PIEZO2: variants seen among roughly 807,000 people sequenced by gnomAD.
The protein encoded by PIEZO2 is piezo type mechanosensitive ion channel component 2, also known as piezo-type mechanosensitive ion channel component 2.
Under a neutral mutation model 337.3 loss-of-function variants are expected in PIEZO2, and 172 were observed. That is an observed-to-expected ratio of 0.51 (90% CI 0.45 to 0.58). The LOEUF (loss-of-function observed/expected upper bound fraction) is 0.58. PIEZO2 is among the 20% of genes least tolerant of loss of function. PIEZO2 has a pLI of 0.00. For synonymous variants in PIEZO2, 1,251 were observed against 1,228.5 expected, an observed-to-expected ratio of 1.02 and a Z score of -0.38; for missense variants, 3,028 against 3,391.3, an observed-to-expected ratio of 0.89 and a Z score of 2.66.
rs2037011659 is a variant in PIEZO2, at chr18:11,038,764, A to G, written c.160+27363T>C. 6.6e-6 allele frequency among the ~76,000 whole-genome samples: 1 copy of G among 152,262 alleles called. No individual in the cohort carries two copies. Among genetic ancestry groups the G allele is most frequent in the Non-Finnish European group, 1.5e-5 (1 of 68,042 alleles). Reference sequence around the variant, plus strand: ...TTAAATGTATAATACATGCATACATACAAATAAAATTAGCTCTATACAACC... The same window carrying G: ...TTAAATGTATAATACATGCATACATGCAAATAAAATTAGCTCTATACAACC... On this transcript the variant is annotated intron_variant, in intron 2 of 55. Transcript: ENST00000674853. This position sits in a 1 kb window ranked among gnomAD's most constrained non-coding sequence, Gnocchi z 4.1.
At chr18:11,023,998 G>A (rs891993163) in intron 2 of PIEZO2, among the ~76,000 whole-genome samples, 18 of 152,150 alleles carry the variant, frequency 1.2e-4, no homozygotes, top group African/African-American at 3.9e-4. Flanking sequence ...CAAGCCCCAC[G>A]CGCAGCCCCA....
intron 1 of PIEZO2, among the ~76,000 whole-genome samples, chr18:11,124,039 T>C (rs1359084351): frequency 1.3e-5 from 2 of 152,150 alleles, no homozygotes; most frequent in African/African-American, 4.8e-5. Context: ...CAAAAACACA[T>C]ACCATTTTTA....
intron 33 of PIEZO2, chr18:10,739,485 C>T (rs1357106742): frequency 6.6e-6 from 1 of 152,084 alleles, no homozygotes; most frequent in Non-Finnish European, 1.5e-5. Flanking sequence ...ACAATGACCG[C>T]GGTGGGAATT....
chr18:10,757,557 G>A (rs1598438803), intron 27 of PIEZO2, among the ~76,000 whole-genome samples: 1 of 148,840 alleles, frequency 6.7e-6, no homozygotes, highest in East Asian at 2.0e-4. Context: ...GGATGAGGAT[G>A]AGCTATGGGG....
Position 10,675,275 on chromosome 18 carries a change from T to A in PIEZO2, c.8095A>T (p.Ile2699Phe). 6.5e-7 allele frequency: 1 copy of A among 1,538,072 alleles called. No homozygotes were observed. The highest frequency in any genetic ancestry group is 1.2e-5 in the South Asian group (1 of 81,804). The change falls in exon 54 of 56, where the codon ATT (isoleucine) becomes TTT (phenylalanine). Residue 2699 changes from isoleucine to phenylalanine, a missense_variant. Physicochemically the swap from Ile to Phe is conservative, Grantham distance 21. This residue lies in a region of PIEZO2 where 332 missense variants were observed against 363.8 expected (regional missense o/e 0.91). Transcript: ENST00000674853. The part of the protein sequence containing the change: ...SSKTPVTIEK[I>F]YPYYVKAPSD... The stretch of plus-strand genomic sequence containing the variant: ...GGTGCTTTCACATAATATGGATAAA[T>A]CTTTTCTATGGTCCTGTACATTAAG...
chr18:10,800,248 A>C (rs1429340118), intron 11 of PIEZO2, 89 bp downstream of exon 11: 2 of 1,458,810 alleles, frequency 1.4e-6, no homozygotes, highest in African/African-American at 2.9e-5. Context: ...GTTTTTAAAA[A>C]AATAAAATAA....
chr18:11,065,282 A>G (rs1013962234), intron 2 of PIEZO2, among the ~76,000 whole-genome samples: 4 of 152,244 alleles, frequency 2.6e-5, no homozygotes, highest in African/African-American at 9.6e-5. Flanking sequence ...ACACCACTCC[A>G]TAGATGGGGT....
chr18:11,029,806 C>G (rs2036667251), intron 2 of PIEZO2, among the ~76,000 whole-genome samples: 1 of 152,084 alleles, frequency 6.6e-6, no homozygotes, highest in African/African-American at 2.4e-5. Context: ...CTTGTTGACC[C>G]CCTAGAAGGT....
intron 47 of PIEZO2, among the ~76,000 whole-genome samples, chr18:10,695,713 CA>C (rs1567956855): frequency 6.6e-6 from 1 of 152,134 alleles, no homozygotes; most frequent in Non-Finnish European, 1.5e-5. Context: ...CTCTCCCTCT[CA>C]AAAATGCCCC....
rs1266785055 is a variant in PIEZO2 at position 11,069,916 on chromosome 18, C to A, written c.65-3694G>T. Among the ~76,000 whole-genome samples, 3 of 152,154 alleles carry A rather than the reference C, an allele frequency of 2.0e-5. No individual in the cohort carries two copies. Among genetic ancestry groups the A allele is most frequent in the African/African-American group, 4.8e-5 (2 of 41,428 alleles). ...AAAAAGAAATTTAAAAAATCCCATT[C>A]ACAATAGCTACAAATAATACTTAGA... On this transcript the variant is annotated intron_variant, in intron 1 of 55. Transcript: ENST00000674853. This position sits in a 1 kb window ranked among gnomAD's most constrained non-coding sequence, Gnocchi z 4.9.
At chr18:11,085,885 A>G (rs913126065) in intron 1 of PIEZO2, among the ~76,000 whole-genome samples, 1 of 151,824 alleles carries the variant, frequency 6.6e-6, no homozygotes, top group Non-Finnish European at 1.5e-5. Flanking sequence ...GGGTGGGAGA[A>G]AAAAAGGGAG....
At chr18:10,805,253 C>T (rs940703424) in intron 8 of PIEZO2, among the ~76,000 whole-genome samples, 4 of 152,224 alleles carry the variant, frequency 2.6e-5, no homozygotes, top group Admixed American at 2.0e-4. Context: ...GTGGCTCATG[C>T]CTGTAATCCC....
chr18:10,965,514 T>TA (rs2033962403), intron 3 of PIEZO2, among the ~76,000 whole-genome samples: 1 of 152,174 alleles, frequency 6.6e-6, no homozygotes, highest in Non-Finnish European at 1.5e-5. Flanking sequence ...GGTGCTCTTT[T>TA]AAAAAACATC....
In PIEZO2 at chr18:10,795,012, A is replaced by G. The variant is rs1490983444; in HGVS notation, c.1528-10T>C. On this transcript the variant is annotated splice_polypyrimidine_tract_variant and intron_variant, in intron 12 of 55. Transcript: ENST00000674853. This position sits in a 1 kb window ranked among gnomAD's most constrained non-coding sequence, Gnocchi z 4.4. ...AGGTGATGCTCCAGGCCTCCGGAGGACAGAAAAGGAAACACGACCATGGTC... is the reference window on the plus strand; with the variant it reads ...AGGTGATGCTCCAGGCCTCCGGAGGGCAGAAAAGGAAACACGACCATGGTC... 2.6e-5 allele frequency: 40 copies of G among 1,545,130 alleles called. No individual in the cohort carries two copies. Among genetic ancestry groups the G allele is most frequent in the Non-Finnish European group, 3.5e-5 (40 of 1,145,904 alleles).
chr18:10,981,582 G>T (rs769299330), intron 2 of PIEZO2, among the ~76,000 whole-genome samples: 13 of 152,284 alleles, frequency 8.5e-5, no homozygotes, highest in Middle Eastern at 6.8e-3. Context: ...CTTTAACCTA[G>T]TGTGATGGTT....
intron 28 of PIEZO2, 82 bp downstream of exon 28, chr18:10,752,554 A>G: frequency 1.4e-6 from 2 of 1,430,326 alleles, no homozygotes; most frequent in South Asian, 2.7e-5. Flanking sequence ...CATGACAAGC[A>G]CTGGGCTTTT....
intron 15 of PIEZO2, among the ~76,000 whole-genome samples, chr18:10,788,643 G>A (rs528686564): frequency 2.6e-5 from 4 of 152,176 alleles, no homozygotes; most frequent in Admixed American, 2.6e-4. Context: ...AGTGGTACAA[G>A]CATAGCTCAC....
intron 49 of PIEZO2, among the ~76,000 whole-genome samples, chr18:10,683,268 C>T (rs924737202): frequency 6.6e-6 from 1 of 152,206 alleles, no homozygotes; most frequent in African/African-American, 2.4e-5. Context: ...GGAGAGAGAC[C>T]TGGGAGTCAG....
rs1399902802 is a variant in PIEZO2 at position 10,677,716 on chromosome 18, A to G, written c.8081+31T>C. 6.3e-7 allele frequency: 1 copy of G among 1,599,158 alleles called. No individual in the cohort carries two copies. The highest frequency in any genetic ancestry group is 2.2e-5 in the East Asian group (1 of 44,762). ...TTGTACCAGCTGCATATACCTAACA[A>G]AGCTCTATTAGTAGGAAAAAATACA... is the stretch of plus-strand genomic sequence containing the variant. On this transcript the variant is annotated intron_variant, in intron 53 of 55. Transcript: ENST00000674853. This position sits in a 1 kb window ranked among gnomAD's most constrained non-coding sequence, Gnocchi z 4.1.
Sources: allele counts gnomAD v4.1 joint callset (sites outside exome capture counted in the v4.1 genomes callset), GRCh38; gene constraint gnomAD v4.1.1; regional missense constraint gnomAD v4.1.1; non-coding constraint Gnocchi (gnomAD v3.1); transcripts MANE v1.5; gene names NCBI Gene and HGNC (gene_info 2026-07-23, HGNC 2026-07-21).